The following CLRN3 variants were observed in gnomAD, a reference collection of about 807,000 sequenced individuals.
CLRN3 encodes clarin-3.
CLRN3 carries 12 observed loss-of-function variants against 16.7 expected under a neutral mutation model. The observed-to-expected ratio is 0.72, with a 90% CI of 0.46 to 1.16. The LOEUF (loss-of-function observed/expected upper bound fraction) is 1.16, where lower values mean the gene tolerates loss of function less well. Ranked by LOEUF, CLRN3 falls within the 50% of genes most tolerant of loss-of-function variation. The probability of loss-of-function intolerance (pLI) is 0.00; values close to 1 mark genes in which losing one functional copy is unlikely to be tolerated. For synonymous variants in CLRN3, 118 were observed against 113.0 expected (o/e 1.04, Z -0.28); for missense variants, 296 against 274.2 (o/e 1.08, Z -0.56).
At chr10:127,884,099 A>C (rs933341210) in intron 1 of CLRN3, among the ~76,000 whole-genome samples, 1 of 152,196 alleles carries the variant, frequency 6.6e-6, no homozygotes, top group Non-Finnish European at 1.5e-5. Flanking sequence ...ACTACAGATA[A>C]CTGGACATTT....
chr10:127,880,443 G>A (rs1193375069), intron 2 of CLRN3, among the ~76,000 whole-genome samples: 3 of 152,174 alleles, frequency 2.0e-5, no homozygotes, highest in Non-Finnish European at 4.4e-5. Context: ...AGGAGCTTCG[G>A]AAGGCTCACG....
intron 2 of CLRN3, among the ~76,000 whole-genome samples, chr10:127,878,840 G>T (rs945658562): frequency 1.3e-5 from 2 of 152,166 alleles, no homozygotes; most frequent in African/African-American, 2.4e-5. Flanking sequence ...AAGACCCTGG[G>T]TGGGCAGTGG....
chr10:127,878,093 T>C lies in CLRN3; in HGVS notation c.*56A>G, dbSNP rs1845079330. Reference sequence around the variant, plus strand: ...GAATTGTCCAGAGAAGCTAACCAGTTACTACTCAGGGCTGATGTACAATAG... The same window carrying C: ...GAATTGTCCAGAGAAGCTAACCAGTCACTACTCAGGGCTGATGTACAATAG... On this transcript the variant is annotated 3_prime_UTR_variant, in exon 3 of 3. Coordinates refer to ENST00000368671, the MANE Select transcript of CLRN3 (RefSeq NM_152311.5). The C allele has an allele frequency of 3.8e-6, 6 of 1,578,572 alleles. No individual in the cohort carries two copies. Among genetic ancestry groups the C allele is most frequent in the Non-Finnish European group, 5.2e-6 (6 of 1,155,084 alleles).
At chr10:127,888,683 C>T (rs942257786) in intron 1 of CLRN3, among the ~76,000 whole-genome samples, 1 of 152,142 alleles carries the variant, frequency 6.6e-6, no homozygotes, top group South Asian at 2.1e-4. Flanking sequence ...AATCCTGACT[C>T]GGACGCAGCA....
At position 127,878,528 on chromosome 10, in the gene CLRN3, G is replaced by A. The variant is rs1224597978; in HGVS notation, c.410-108C>T. ...GAATGTATTGCATATCTACACAGGAGTTTACACTCTTTTAAGCACTAGGGA... is the reference window on the plus strand; with the variant it reads ...GAATGTATTGCATATCTACACAGGAATTTACACTCTTTTAAGCACTAGGGA... On this transcript the variant is annotated intron_variant, in intron 2 of 2. Coordinates refer to ENST00000368671, the MANE Select transcript of CLRN3 (RefSeq NM_152311.5). 9.6e-6 allele frequency: 14 copies of A among 1,454,982 alleles called. No individual in the cohort carries two copies. In the East Asian group the frequency reaches 2.4e-4, roughly 25 times the overall value. The allele number at this position is 1,454,982 out of a possible 1,614,324, so 90.1% of individuals were successfully genotyped here. A position where few individuals can be genotyped will look rare whatever the true frequency, so the allele number is the denominator to read the frequency against.
chr10:127,882,351 C>A (rs1438627396), intron 2 of CLRN3, among the ~76,000 whole-genome samples: 1 of 152,222 alleles, frequency 6.6e-6, no homozygotes, highest in African/African-American at 2.4e-5. Context: ...TAATGTGACT[C>A]TGGTCCACCT....
At position 127,892,813 on chromosome 10, in the gene CLRN3, A is replaced by C; in HGVS notation, c.-29T>G. On this transcript the variant is annotated 5_prime_UTR_variant, in exon 1 of 3. Transcript: ENST00000368671. ...CACAGGAAAATAAGTTCTCTAGGAC[A>C]AAAAAAGGAATATCTTCTTATAACA... The C allele has an allele frequency of 7.6e-7, 1 of 1,307,682 alleles. No individual in the cohort carries two copies. Among genetic ancestry groups the C allele is most frequent in the Non-Finnish European group, 1.1e-6 (1 of 911,304 alleles). The allele number at this position is 1,307,682 out of a possible 1,614,324, so 81.0% of individuals were successfully genotyped here.
In CLRN3 at chr10:127,877,990, C is replaced by T. The variant is rs937965140; in HGVS notation, c.*159G>A. 3.5e-5 allele frequency: 32 copies of T among 902,664 alleles called. No individual in the cohort carries two copies. Among genetic ancestry groups the T allele is most frequent in the Middle Eastern group, 7.0e-4 (2 of 2,866 alleles). 55.9% of individuals were successfully genotyped at this position (902,664 alleles called of 1,614,324 possible). A position where few individuals can be genotyped will look rare whatever the true frequency, so the allele number is the denominator to read the frequency against. On this transcript the variant is annotated 3_prime_UTR_variant, in exon 3 of 3. Coordinates refer to ENST00000368671, the MANE Select transcript of CLRN3 (RefSeq NM_152311.5). The stretch of plus-strand genomic sequence containing the variant: ...TCCCCAACCTTGTGGGAAAAATTTT[C>T]AGGAGTACAGCATCAATGAAGAACA...
intron 2 of CLRN3, among the ~76,000 whole-genome samples, chr10:127,882,689 C>G (rs1434354753): frequency 1.3e-5 from 2 of 152,176 alleles, no homozygotes; most frequent in African/African-American, 4.8e-5. Flanking sequence ...GCCCTCAGCC[C>G]CTCCTCCGAG....
chr10:127,878,494 T>TATA, intron 2 of CLRN3, 74 bp from the exon 3 acceptor site: 1 of 1,571,136 alleles, frequency 6.4e-7, no homozygotes, highest in Non-Finnish European at 8.6e-7. Context: ...ATGGAACACA[T>TATA]ATATATGGGA....
At chr10:127,885,985 C>T (rs1845189454) in intron 1 of CLRN3, among the ~76,000 whole-genome samples, 1 of 152,126 alleles carries the variant, frequency 6.6e-6, no homozygotes, top group African/African-American at 2.4e-5. Context: ...GAACTCCCAA[C>T]CTCAGGTGAT....
At chr10:127,888,660 G>A (rs1238881400) in intron 1 of CLRN3, among the ~76,000 whole-genome samples, 3 of 152,122 alleles carry the variant, frequency 2.0e-5, no homozygotes, top group Admixed American at 6.5e-5. Flanking sequence ...AGAGACTCCC[G>A]CCAGCTGCAG....
At chr10:127,887,501 T>C (rs532962644) in intron 1 of CLRN3, among the ~76,000 whole-genome samples, 8 of 152,256 alleles carry the variant, frequency 5.3e-5, no homozygotes, top group African/African-American at 1.9e-4. Context: ...GAATTTGGTT[T>C]TGTTTGTGAC....
chr10:127,889,994 T>C (rs1845240856), intron 1 of CLRN3, among the ~76,000 whole-genome samples: 1 of 152,218 alleles, frequency 6.6e-6, no homozygotes, highest in South Asian at 2.1e-4. Flanking sequence ...AGACATGCAT[T>C]TCCCCCAACC....
chr10:127,878,878 C>T (rs1406364802), intron 2 of CLRN3, among the ~76,000 whole-genome samples: 1 of 152,140 alleles, frequency 6.6e-6, no homozygotes, highest in East Asian at 1.9e-4. Flanking sequence ...CTGTGAGATA[C>T]AAGCTCAGCT....
intron 1 of CLRN3, among the ~76,000 whole-genome samples, chr10:127,890,734 T>C (rs1304663824): frequency 6.6e-6 from 1 of 152,058 alleles, no homozygotes; most frequent in African/African-American, 2.4e-5. Context: ...CACGTCTCCA[T>C]GTACACACTG....
chr10:127,881,799 G>A (rs1417611462), intron 2 of CLRN3, among the ~76,000 whole-genome samples: 3 of 152,212 alleles, frequency 2.0e-5, no homozygotes, highest in East Asian at 1.9e-4. Flanking sequence ...GTGGCCAGCA[G>A]TCATCTTATC....
At chr10:127,882,786 A>G (rs1196253815) in intron 2 of CLRN3, among the ~76,000 whole-genome samples, 2 of 152,222 alleles carry the variant, frequency 1.3e-5, no homozygotes, top group African/African-American at 4.8e-5. Flanking sequence ...TGGAGCTTAC[A>G]TGAAGCCACC....
chr10:127,890,801 T>C (rs1488791962), intron 1 of CLRN3, among the ~76,000 whole-genome samples: 1 of 152,108 alleles, frequency 6.6e-6, no homozygotes, highest in Non-Finnish European at 1.5e-5. Flanking sequence ...CACCGCAAGT[T>C]GAAGATTTCA....
Sources: gnomAD v4.1 joint callset for allele counts (sites outside exome capture counted in the v4.1 genomes callset) on GRCh38, gnomAD v4.1.1 for gene constraint, MANE v1.5 for transcripts, NCBI Gene and HGNC (gene_info 2026-07-23, HGNC 2026-07-21) for gene names.